IL1RAPL2: variants seen among roughly 807,000 people sequenced by gnomAD.
The protein encoded by IL1RAPL2 is X-linked interleukin-1 receptor accessory protein-like 2.
In IL1RAPL2, 3 loss-of-function variants were observed where a neutral mutation model predicts 44.1. That is an observed-to-expected ratio of 0.07 (90% confidence interval 0.03 to 0.18). IL1RAPL2 has a LOEUF of 0.18. IL1RAPL2 is among the 10% of genes least tolerant of loss of function. The probability of loss-of-function intolerance (pLI) is 1.00; values close to 1 mark genes in which losing one functional copy is unlikely to be tolerated. For synonymous variants in IL1RAPL2, 181 were observed against 178.8 expected (o/e 1.01, Z -0.10); for missense variants, 391 against 496.4 (o/e 0.79, Z 2.02).
chrX:105,372,046 T>C (rs769573822), intron 5 of IL1RAPL2, among the ~76,000 whole-genome samples: 19 of 111,633 alleles, frequency 1.7e-4, no homozygotes, highest in African/African-American at 5.9e-4. Flanking sequence ...CATAGCATCA[T>C]TTTCACAGGT....
chrX:105,090,604 T>C (rs1482840154), intron 2 of IL1RAPL2, among the ~76,000 whole-genome samples: 2 of 112,189 alleles, frequency 1.8e-5, no homozygotes, highest in Non-Finnish European at 3.8e-5. Flanking sequence ...CCTCTGAGGT[T>C]ACCTCAACTT....
rs150824913 is a variant in IL1RAPL2, at chrX:105,143,072, G to C, written c.83-52403G>C. ...TTCCAAGTCTTTGCTATTGTGAACA[G>C]TGCCACAATAAATTGACAAATGGGG... On this transcript the variant is annotated intron_variant, in intron 2 of 10. Coordinates refer to ENST00000372582, the MANE Select transcript of IL1RAPL2 (RefSeq NM_017416.2). 5.1e-3 allele frequency among the ~76,000 whole-genome samples: 565 copies of C among 111,260 alleles called. 5 individuals carry two copies. Among genetic ancestry groups the C allele is most frequent in the African/African-American group, 0.017 (535 of 30,609 alleles).
chrX:105,591,225 G>GT lies in IL1RAPL2; in HGVS notation c.772+106850dup, dbSNP rs1202091947. ...AGAGGTGTTTGTGATAGTCTCCAAG[G>GT]TTTTTTTTTTTTAATTTCTGTAGGG... On this transcript the variant is annotated intron_variant, in intron 6 of 10. Transcript: ENST00000372582. Among the ~76,000 whole-genome samples the GT allele has an allele frequency of 3.1e-3, 312 of 101,357 alleles. 2 individuals are homozygous for GT. Among genetic ancestry groups the GT allele is most frequent in the African/African-American group, 8.2e-3 (232 of 28,122 alleles). 88.0% of individuals were successfully genotyped at this position (101,357 alleles called of 115,157 possible). A position where few individuals can be genotyped will look rare whatever the true frequency, so the allele number is the denominator to read the frequency against.
rs780765540 is a variant in IL1RAPL2, at chrX:104,872,284, T to G, written c.82+213289T>G. 1.7e-4 allele frequency among the ~76,000 whole-genome samples: 19 copies of G among 111,822 alleles called. No homozygotes were observed. The South Asian group carries it at 7.1e-3, about 42-fold the overall frequency. The stretch of plus-strand genomic sequence containing the variant: ...GGTGATGAGGATCTAATGCCTCGTA[T>G]GTTGGGAGCATGAGCAGTTTCAACC... On this transcript the variant is annotated intron_variant, in intron 2 of 10. Coordinates refer to ENST00000372582, the MANE Select transcript of IL1RAPL2 (RefSeq NM_017416.2).
intron 1 of IL1RAPL2, among the ~76,000 whole-genome samples, chrX:104,658,113 C>T (rs1242656366): frequency 1.8e-5 from 2 of 112,110 alleles, no homozygotes; most frequent in Non-Finnish European, 3.8e-5. Flanking sequence ...AATCCCATTA[C>T]TGGGTATATA....
intron 3 of IL1RAPL2, among the ~76,000 whole-genome samples, chrX:105,200,921 A>C (rs1210975447): frequency 6.5e-5 from 7 of 108,018 alleles, no homozygotes; most frequent in South Asian, 3.8e-4. Context: ...ACACCCACAC[A>C]CACACACACA....
intron 2 of IL1RAPL2, among the ~76,000 whole-genome samples, chrX:104,980,488 T>C (rs929450383): frequency 8.9e-6 from 1 of 112,508 alleles, no homozygotes; most frequent in Admixed American, 9.4e-5. Context: ...GGCTTCTCTC[T>C]ATTTTATCTC....
intron 5 of IL1RAPL2, among the ~76,000 whole-genome samples, chrX:105,285,640 T>A (rs1393996568): frequency 8.9e-6 from 1 of 111,997 alleles, no homozygotes; most frequent in East Asian, 2.8e-4. Flanking sequence ...AGTAACTAAG[T>A]TGATACTTTC....
intron 2 of IL1RAPL2, among the ~76,000 whole-genome samples, chrX:104,750,518 T>C (rs1183642264): frequency 9.0e-6 from 1 of 110,557 alleles, no homozygotes; most frequent in Non-Finnish European, 1.9e-5. Flanking sequence ...CTGGCAGGAA[T>C]AGAAACAACA....
At chrX:104,862,714 T>C (rs1922525683) in intron 2 of IL1RAPL2, among the ~76,000 whole-genome samples, 1 of 112,013 alleles carries the variant, frequency 8.9e-6, no homozygotes, top group African/African-American at 3.2e-5. Flanking sequence ...AGTTCCAAAC[T>C]TTATAAATGT....
At chrX:104,666,774 T>C (rs1569292790) in intron 2 of IL1RAPL2, among the ~76,000 whole-genome samples, 1 of 111,588 alleles carries the variant, frequency 9.0e-6, no homozygotes, top group Non-Finnish European at 1.9e-5. Context: ...ACGAAGTATG[T>C]GCTCTGCAAA....
chrX:105,133,576 T>C (rs1489132339), intron 2 of IL1RAPL2, among the ~76,000 whole-genome samples: 1 of 111,979 alleles, frequency 8.9e-6, no homozygotes, highest in Non-Finnish European at 1.9e-5. Flanking sequence ...ACAAATATTA[T>C]AATATTTTTG....
chrX:105,728,391 C>T (rs958095330), intron 7 of IL1RAPL2, among the ~76,000 whole-genome samples: 3 of 111,408 alleles, frequency 2.7e-5, no homozygotes, highest in African/African-American at 9.8e-5. Flanking sequence ...TTCAATGTGC[C>T]TTTACTGAGT....
At chrX:104,662,668 T>C (rs1024574933) in intron 2 of IL1RAPL2, among the ~76,000 whole-genome samples, 1 of 111,463 alleles carries the variant, frequency 9.0e-6, no homozygotes, top group Non-Finnish European at 1.9e-5. Flanking sequence ...AGACCTTCTA[T>C]TTAGCTATTT....
intron 1 of IL1RAPL2, among the ~76,000 whole-genome samples, chrX:104,657,752 C>T (rs1232501234): frequency 9.0e-6 from 1 of 110,858 alleles, no homozygotes; most frequent in Non-Finnish European, 1.9e-5. Flanking sequence ...CCAGAATCTA[C>T]AAAGAGCTCA....
At chrX:105,463,000 C>G (rs145448500) in intron 5 of IL1RAPL2, among the ~76,000 whole-genome samples, 3 of 111,222 alleles carry the variant, frequency 2.7e-5, no homozygotes, top group Non-Finnish European at 5.7e-5. Context: ...AAACCCCTAC[C>G]ATGAAATCAC....
chrX:104,634,234 T>C (rs931869126), intron 1 of IL1RAPL2, among the ~76,000 whole-genome samples: 4 of 111,841 alleles, frequency 3.6e-5, no homozygotes, highest in Admixed American at 1.9e-4. Flanking sequence ...TCTGTTCTTT[T>C]ACATTTGCTG....
At chrX:104,766,309 A>T (rs1932551067) in intron 2 of IL1RAPL2, among the ~76,000 whole-genome samples, 1 of 112,026 alleles carries the variant, frequency 8.9e-6, no homozygotes, top group African/African-American at 3.2e-5. Flanking sequence ...TTCAAAGCTT[A>T]AAAGATTTAA....
intron 2 of IL1RAPL2, among the ~76,000 whole-genome samples, chrX:104,909,164 G>C (rs1470259140): frequency 9.0e-6 from 1 of 111,370 alleles, no homozygotes; most frequent in Admixed American, 9.5e-5. Flanking sequence ...CATTATTCTC[G>C]TAGTTCTCGA....
Sources: allele counts gnomAD v4.1 joint callset (sites outside exome capture counted in the v4.1 genomes callset), GRCh38; gene constraint gnomAD v4.1.1; transcripts MANE v1.5; gene names NCBI Gene and HGNC (gene_info 2026-07-23, HGNC 2026-07-21).